The following RIMS1 variants were observed in gnomAD, a reference collection of about 807,000 sequenced individuals.
RIMS1 encodes the protein regulating synaptic membrane exocytosis 1, also known as regulating synaptic membrane exocytosis protein 1.
In RIMS1, 83 loss-of-function variants were observed where a neutral mutation model predicts 214.1. That is an observed-to-expected ratio of 0.39 (90% CI 0.32 to 0.47). RIMS1 has a LOEUF of 0.47. Ranked by LOEUF, RIMS1 falls within the 20% of genes least tolerant of loss-of-function variation. RIMS1 has a pLI of 0.99. For missense variants in RIMS1, 2,050 were observed against 2,161.8 expected, an observed-to-expected ratio of 0.95 and a Z score of 1.03; for synonymous variants, 793 against 786.8, an observed-to-expected ratio of 1.01 and a Z score of -0.13.
At chr6:72,199,194 G>C (rs2051495908) in intron 6 of RIMS1, among the ~76,000 whole-genome samples, 1 of 152,000 alleles carries the variant, frequency 6.6e-6, no homozygotes. Context: ...AAGAAAGGCT[G>C]TGTCTTCTTT....
intron 2 of RIMS1, among the ~76,000 whole-genome samples, chr6:72,053,833 A>G (rs186401915): frequency 1.8e-4 from 27 of 152,334 alleles, no homozygotes; most frequent in Admixed American, 1.6e-3. Flanking sequence ...TGTAAATACA[A>G]TCAAGCAGTA....
At chr6:72,074,218 C>T (rs1831245042) in intron 2 of RIMS1, among the ~76,000 whole-genome samples, 1 of 152,120 alleles carries the variant, frequency 6.6e-6, no homozygotes, top group Non-Finnish European at 1.5e-5. Context: ...TAAAGGGATT[C>T]ATGAAATAAG....
intron 16 of RIMS1, among the ~76,000 whole-genome samples, chr6:72,254,016 C>A (rs2074667252): frequency 6.6e-6 from 1 of 152,100 alleles, no homozygotes; most frequent in Non-Finnish European, 1.5e-5. Flanking sequence ...CAGGTGTGCA[C>A]CACCATGTAC....
At chr6:72,353,827 A>C (rs1369202576) in intron 29 of RIMS1, among the ~76,000 whole-genome samples, 2 of 152,214 alleles carry the variant, frequency 1.3e-5, no homozygotes, top group Non-Finnish European at 2.9e-5. Flanking sequence ...TCTTTAAAAC[A>C]AGCCAATGGA....
chr6:72,280,317 C>A lies in RIMS1; in HGVS notation c.3483-3730C>A, dbSNP rs1435578549. Among the ~76,000 whole-genome samples the A allele has an allele frequency of 2.6e-5, 4 of 151,898 alleles. No homozygotes were observed. The East Asian group carries it at 7.7e-4, about 29-fold the overall frequency. On this transcript the variant is annotated intron_variant, in intron 23 of 33. Transcript: ENST00000521978. ...TTTAGTATGATCTATTTTGTGATTA[C>A]ACAATTAATAGTTTCAGTAGTATGG...
At chr6:72,370,061 G>T (rs181305909) in intron 29 of RIMS1, among the ~76,000 whole-genome samples, 44 of 152,296 alleles carry the variant, frequency 2.9e-4, no homozygotes, top group African/African-American at 9.6e-4. Context: ...GCTAAGAAAA[G>T]AACTAAAATA....
intron 29 of RIMS1, among the ~76,000 whole-genome samples, chr6:72,346,179 G>A (rs570074002): frequency 6.6e-6 from 1 of 151,860 alleles, no homozygotes; most frequent in African/African-American, 2.4e-5. Context: ...TACCTGACAA[G>A]GGATCAGTAA....
At chr6:71,983,420 A>G (rs1584129655) in intron 2 of RIMS1, among the ~76,000 whole-genome samples, 1 of 152,172 alleles carries the variant, frequency 6.6e-6, no homozygotes, top group Non-Finnish European at 1.5e-5. Flanking sequence ...AGGCCCAGTC[A>G]GTATTGTATA....
chr6:72,363,439 G>A (rs573142209), intron 29 of RIMS1, among the ~76,000 whole-genome samples: 4 of 152,076 alleles, frequency 2.6e-5, no homozygotes, highest in African/African-American at 4.8e-5. Context: ...AATTTGATTC[G>A]CAGATTTAAA....
chr6:71,910,728 G>C (rs181115791), intron 1 of RIMS1, among the ~76,000 whole-genome samples: 25 of 152,276 alleles, frequency 1.6e-4, no homozygotes, highest in Admixed American at 1.0e-3. Flanking sequence ...AGGGAACAAA[G>C]GAAGCTGGTT....
At chr6:72,344,165 A>T (rs1413699536) in intron 29 of RIMS1, among the ~76,000 whole-genome samples, 2 of 151,810 alleles carry the variant, frequency 1.3e-5, no homozygotes, top group Non-Finnish European at 2.9e-5. Context: ...AAATAAATCA[A>T]ATGAGCACCT....
At chr6:72,334,191 T>C (rs1323241666) in intron 29 of RIMS1, among the ~76,000 whole-genome samples, 2 of 151,962 alleles carry the variant, frequency 1.3e-5, no homozygotes, top group African/African-American at 2.4e-5. Flanking sequence ...ATTCAATTAC[T>C]TATTTTTGGC....
intron 26 of RIMS1, among the ~76,000 whole-genome samples, chr6:72,301,454 A>G (rs2094594088): frequency 6.6e-6 from 1 of 151,684 alleles, no homozygotes; most frequent in African/African-American, 2.4e-5. Context: ...CACAGTATCC[A>G]TGGGTTCCAC....
intron 29 of RIMS1, among the ~76,000 whole-genome samples, chr6:72,350,016 T>G (rs1044519571): frequency 5.9e-5 from 9 of 152,072 alleles, no homozygotes; most frequent in African/African-American, 2.2e-4. Context: ...AAAATTTACC[T>G]TTGAAGTAAA....
intron 8 of RIMS1, among the ~76,000 whole-genome samples, chr6:72,237,501 C>A (rs1156261576): frequency 6.6e-6 from 1 of 151,888 alleles, no homozygotes; most frequent in Non-Finnish European, 1.5e-5. Context: ...ATGGCAAGAC[C>A]TTGTCTCTAC....
At chr6:72,334,492 G>A (rs200572930) in intron 29 of RIMS1, among the ~76,000 whole-genome samples, 7 of 151,784 alleles carry the variant, frequency 4.6e-5, no homozygotes, top group Non-Finnish European at 8.8e-5. Context: ...GGCTATTTTT[G>A]TATTGTAAAA....
At chr6:72,006,159 C>A (rs1807513964) in intron 2 of RIMS1, among the ~76,000 whole-genome samples, 1 of 152,124 alleles carries the variant, frequency 6.6e-6, no homozygotes, top group Admixed American at 6.5e-5. Flanking sequence ...CAATTCCATT[C>A]ATAAGGGCTC....
intron 15 of RIMS1, among the ~76,000 whole-genome samples, chr6:72,251,915 A>G (rs1424165274): frequency 2.0e-5 from 3 of 152,152 alleles, no homozygotes; most frequent in Non-Finnish European, 4.4e-5. Context: ...GGGTTTCACC[A>G]TTTTGGCCAG....
At chr6:72,376,970 T>C (rs2098400881) in intron 29 of RIMS1, among the ~76,000 whole-genome samples, 1 of 152,190 alleles carries the variant, frequency 6.6e-6, no homozygotes, top group Non-Finnish European at 1.5e-5. Flanking sequence ...CTAGGCTTAC[T>C]GGAGGCCCTG....
Sources: allele counts gnomAD v4.1 joint callset (sites outside exome capture counted in the v4.1 genomes callset), GRCh38; gene constraint gnomAD v4.1.1; transcripts MANE v1.5; gene names NCBI Gene and HGNC (gene_info 2026-07-23, HGNC 2026-07-21).